Variants in PTPRS observed in about 807,000 individuals in gnomAD.
The protein encoded by PTPRS is protein tyrosine phosphatase receptor type S.
PTPRS carries 63 observed loss-of-function variants against 215.3 expected under a neutral mutation model. That is an observed-to-expected ratio of 0.29 (90% CI 0.24 to 0.36). The LOEUF is 0.36. PTPRS is among the 10% of genes least tolerant of loss of function. The pLI, the probability that PTPRS is intolerant of heterozygous loss-of-function variation, is 1.00. For missense variants in PTPRS, 2,258 were observed against 2,825.8 expected, an observed-to-expected ratio of 0.80 and a Z score of 4.56; for synonymous variants, 1,404 against 1,191.4, an observed-to-expected ratio of 1.18 and a Z score of -3.68.
At chr19:5,331,107 A>G (rs544971166) in intron 1 of PTPRS, among the ~76,000 whole-genome samples, 179 of 144,562 alleles carry the variant, frequency 1.2e-3, no homozygotes, top group African/African-American at 4.7e-3. Flanking sequence ...GGTCTTCAGC[A>G]TAAGTCAGGG....
At chr19:5,238,776 G>T in intron 13 of PTPRS, 143 bp downstream of exon 13, 1 of 1,183,890 alleles carries the variant, frequency 8.4e-7, no homozygotes, top group Non-Finnish European at 1.1e-6. Flanking sequence ...ATGGATCCGA[G>T]GTCGGGGAAC....
At chr19:5,282,396 A>C (rs2047931796) in intron 2 of PTPRS, among the ~76,000 whole-genome samples, 1 of 152,166 alleles carries the variant, frequency 6.6e-6, no homozygotes, top group South Asian at 2.1e-4. Context: ...GGGCAGAGAC[A>C]CAGGAAGGAC....
intron 2 of PTPRS, among the ~76,000 whole-genome samples, chr19:5,284,513 C>T (rs1257220418): frequency 6.6e-6 from 1 of 152,020 alleles, no homozygotes; most frequent in East Asian, 1.9e-4. Flanking sequence ...TTTTCTGAGA[C>T]AAGGTCTGGC....
rs529139199 is a variant in PTPRS at position 5,245,858 on chromosome 19, A to G, written c.906T>C (p.Asp302=). Residue 302 remains aspartate, a synonymous_variant, in exon 10 of 38, where the codon GAT becomes GAC. Coordinates refer to ENST00000262963, the MANE Select transcript of PTPRS (RefSeq NM_002850.4). ...AGGTGTAGTTGGCCGAGTCCTTGACATCTGTGAGTTCCAGCACGTTCCGAC... is the reference window on the plus strand; with the variant it reads ...AGGTGTAGTTGGCCGAGTCCTTGACGTCTGTGAGTTCCAGCACGTTCCGAC... ...PVGRNVLELT[D]VKDSANYTCV... is the part of the protein sequence containing the mutation. The G allele has an allele frequency of 1.1e-5, 17 of 1,613,914 alleles. No homozygotes were observed. The South Asian group carries it at 1.8e-4, about 17-fold the overall frequency.
chr19:5,333,906 G>C (rs1031854009), intron 1 of PTPRS, among the ~76,000 whole-genome samples: 8 of 152,312 alleles, frequency 5.3e-5, no homozygotes, highest in Middle Eastern at 3.4e-3. Context: ...CACCATGCTT[G>C]TCAACCGATC....
intron 9 of PTPRS, among the ~76,000 whole-genome samples, chr19:5,248,554 G>A (rs914172035): frequency 3.3e-5 from 5 of 152,136 alleles, no homozygotes; most frequent in Non-Finnish European, 5.9e-5. Flanking sequence ...CGGCCACAGG[G>A]GTGGGAGCCT....
intron 37 of PTPRS, among the ~76,000 whole-genome samples, chr19:5,207,445 G>A (rs745513948): frequency 6.6e-6 from 1 of 152,176 alleles, no homozygotes; most frequent in African/African-American, 2.4e-5. Context: ...GGGCTCAAGC[G>A]ATCCTCCCAC....
intron 5 of PTPRS, among the ~76,000 whole-genome samples, chr19:5,263,695 CCCA>C (rs1294335209): frequency 1.3e-5 from 2 of 152,220 alleles, no homozygotes; most frequent in South Asian, 2.1e-4. Flanking sequence ...GAGACACATC[CCCA>C]CCACGTGTGT....
rs528606232 is a variant in PTPRS at position 5,271,392 on chromosome 19, AT to A, written c.379+2049del. On this transcript the variant is annotated intron_variant, in intron 4 of 37. Coordinates refer to ENST00000262963, the MANE Select transcript of PTPRS (RefSeq NM_002850.4). ...TTGTGGTGAGAACCATTATTACCCGATTTTTTTTTTTTTTTTTTCCCTGAGA... is the reference window on the plus strand; with the variant it reads ...TTGTGGTGAGAACCATTATTACCCGATTTTTTTTTTTTTTTTTCCCTGAGA... 5.8e-3 allele frequency among the ~76,000 whole-genome samples: 782 copies of A among 134,038 alleles called. 5 individuals are homozygous for A. Among genetic ancestry groups the A allele is most frequent in the African/African-American group, 0.011 (401 of 36,258 alleles). 87.9% of individuals were successfully genotyped at this position (134,038 alleles called of 152,430 possible). A position where few individuals can be genotyped will look rare whatever the true frequency, so the allele number is the denominator to read the frequency against.
chr19:5,268,740 GA>G (rs1435393671), intron 4 of PTPRS, among the ~76,000 whole-genome samples: 2 of 152,246 alleles, frequency 1.3e-5, no homozygotes, highest in Non-Finnish European at 2.9e-5. Context: ...CTTTTCCATA[GA>G]GGGGGAAACG....
rs541485571 is a variant in PTPRS at position 5,339,739 on chromosome 19, C to A, written c.-95+925G>T. ...AACCCAGTGCCGACGGCCCCGCCCCCGGTATGACGTCACCTCCCCTCCCCC... is the reference window on the plus strand; with the variant it reads ...AACCCAGTGCCGACGGCCCCGCCCCAGGTATGACGTCACCTCCCCTCCCCC... On this transcript the variant is annotated intron_variant, in intron 1 of 37. Coordinates refer to ENST00000262963, the MANE Select transcript of PTPRS (RefSeq NM_002850.4). The surrounding 1 kb of genome is among the most constrained non-coding windows in gnomAD (Gnocchi z 4.2). Among the ~76,000 whole-genome samples the A allele has an allele frequency of 4.6e-5, 7 of 151,978 alleles. No homozygotes were observed. The South Asian group carries it at 1.2e-3, about 27-fold the overall frequency.
chr19:5,243,607 G>A (rs2044231907), intron 11 of PTPRS, among the ~76,000 whole-genome samples: 1 of 152,016 alleles, frequency 6.6e-6, no homozygotes, highest in African/African-American at 2.4e-5. Context: ...AGCCTCCCGA[G>A]TAGCTAGGAT....
At chr19:5,273,803 G>A (rs1049895177) in intron 3 of PTPRS, among the ~76,000 whole-genome samples, 1 of 152,220 alleles carries the variant, frequency 6.6e-6, no homozygotes, top group Admixed American at 6.5e-5. Flanking sequence ...AGAACAGGGT[G>A]TTGTGTGCAT....
chr19:5,258,194 C>T, intron 7 of PTPRS, 67 bp from the exon 8 acceptor site: 1 of 1,332,556 alleles, frequency 7.5e-7, no homozygotes, highest in Non-Finnish European at 1.1e-6. Flanking sequence ...GGAAAGCTCC[C>T]CCACCAGAGT....
chr19:5,280,755 C>T (rs2047776997), intron 2 of PTPRS, among the ~76,000 whole-genome samples: 1 of 151,574 alleles, frequency 6.6e-6, no homozygotes, highest in Admixed American at 6.6e-5. Context: ...TCACTAGACC[C>T]ACCATGTACA....
Position 5,210,433 on chromosome 19 carries a change from C to T in PTPRS, c.5487+36G>A. ...GGCAGCCCTTTCCAGATCACTAAGGCTCCAGCCCCTCCCGCCAGTCTGTCT... is the reference window on the plus strand; with the variant it reads ...GGCAGCCCTTTCCAGATCACTAAGGTTCCAGCCCCTCCCGCCAGTCTGTCT... On this transcript the variant is annotated intron_variant, in intron 35 of 37. Transcript: ENST00000262963. The surrounding 1 kb of genome is among the most constrained non-coding windows in gnomAD (Gnocchi z 4.5). 1.2e-6 allele frequency: 2 copies of T among 1,613,514 alleles called. No individual in the cohort carries two copies. The highest frequency in any genetic ancestry group is 1.7e-6 in the Non-Finnish European group (2 of 1,179,668).
chr19:5,305,941 A>G (rs1457515464), intron 1 of PTPRS, among the ~76,000 whole-genome samples: 2 of 82,578 alleles, frequency 2.4e-5, no homozygotes, highest in Non-Finnish European at 3.1e-5. Context: ...CTCCGTCTCA[A>G]AAAAAAAAAA....
At chr19:5,330,076 C>CA (rs10690740) in intron 1 of PTPRS, among the ~76,000 whole-genome samples, 2,199 of 74,232 alleles carry the variant, frequency 0.03, 41 homozygotes, top group Middle Eastern at 0.053. Context: ...GACTCTGTCT[C>CA]AAAAAAAAAA....
intron 1 of PTPRS, among the ~76,000 whole-genome samples, chr19:5,312,020 A>T (rs1325606731): frequency 1.3e-5 from 2 of 151,388 alleles, no homozygotes; most frequent in Admixed American, 6.6e-5. Context: ...CCAGCCTGGG[A>T]GACACAGCGA....
Sources: allele counts gnomAD v4.1 joint callset (sites outside exome capture counted in the v4.1 genomes callset), GRCh38; gene constraint gnomAD v4.1.1; non-coding constraint Gnocchi (gnomAD v3.1); transcripts MANE v1.5; gene names NCBI Gene and HGNC (gene_info 2026-07-23, HGNC 2026-07-21).